Variants in TOGARAM1 observed in about 807,000 individuals in gnomAD.
TOGARAM1 encodes the protein TOG array regulator of axonemal microtubules 1, also known as TOG array regulator of axonemal microtubules protein 1.
TOGARAM1 carries 100 observed loss-of-function variants against 166.6 expected under a neutral mutation model. That is an observed-to-expected ratio of 0.60 (90% CI 0.51 to 0.71). The LOEUF is 0.71. Among genes scored for constraint, TOGARAM1 ranks in the 30% least tolerant of loss-of-function variants. The probability of loss-of-function intolerance (pLI) is 0.00; values close to 1 mark genes in which losing one functional copy is unlikely to be tolerated. For synonymous variants in TOGARAM1, 758 were observed against 763.8 expected, an observed-to-expected ratio of 0.99 and a Z score of 0.13; for missense variants, 2,029 against 2,102.7, an observed-to-expected ratio of 0.96 and a Z score of 0.69.
intron 5 of TOGARAM1, chr14:45,007,595 G>A (rs1879533100): frequency 6.6e-6 from 1 of 151,988 alleles, no homozygotes; most frequent in Non-Finnish European, 1.5e-5. Context: ...TAATAGAGAA[G>A]TGGCCCTAGT....
rs1461534637 is a variant in TOGARAM1 at position 45,028,191 on chromosome 14, T to A, written c.3520T>A (p.Ser1174Thr). The change falls in exon 10 of 20, where the codon TCT becomes ACT. Residue 1174 changes from serine (S) to threonine (T), a missense_variant. By Grantham distance (58) the Ser-to-Thr change is moderately conservative. Around this residue, in one of 2 missense-constraint regions of TOGARAM1, gnomAD observed 1,453 missense variants for 1,432.2 expected, o/e 1.01. Transcript: ENST00000361462. ...TTTCATGCAGGCTAAAGTTTCTATTTCTAAATCTACTTATAACAAGATGAG... is the reference window on the plus strand; with the variant it reads ...TTTCATGCAGGCTAAAGTTTCTATTACTAAATCTACTTATAACAAGATGAG... ...ENEKDAKVSI[S>T]KSTYNKMRQK... 4 of 1,573,022 alleles carry A rather than the reference T, an allele frequency of 2.5e-6. No individual in the cohort carries two copies. The Admixed American group carries it at 8.4e-5, about 33-fold the overall frequency.
intron 15 of TOGARAM1, among the ~76,000 whole-genome samples, chr14:45,054,119 C>T (rs1306638242): frequency 6.6e-6 from 1 of 152,084 alleles, no homozygotes; most frequent in African/African-American, 2.4e-5. Flanking sequence ...GATCCACCTG[C>T]CTCAGCCTCC....
intron 12 of TOGARAM1, 83 bp from the exon 13 acceptor site, chr14:45,044,552 C>A (rs897851794): frequency 1.5e-4 from 131 of 850,652 alleles, no homozygotes; most frequent in Admixed American, 6.1e-4. Flanking sequence ...AAAAAAAAAA[C>A]ATTGTAAAAT....
chr14:45,017,918 T>G (rs1358268049), intron 7 of TOGARAM1, among the ~76,000 whole-genome samples: 1 of 152,202 alleles, frequency 6.6e-6, no homozygotes, highest in South Asian at 2.1e-4. Flanking sequence ...TTAAGAATGG[T>G]TTTTTTAAAC....
At chr14:45,014,583 A>C (rs1308065756) in intron 7 of TOGARAM1, among the ~76,000 whole-genome samples, 4 of 152,186 alleles carry the variant, frequency 2.6e-5, no homozygotes, top group Admixed American at 6.5e-5. Context: ...CTTAATTGGT[A>C]AAACATAAAA....
At chr14:44,975,828 A>C in intron 1 of TOGARAM1, among the ~76,000 whole-genome samples, 1 of 142,200 alleles carries the variant, frequency 7.0e-6, no homozygotes, top group African/African-American at 2.6e-5. Context: ...TTTTCAAGTG[A>C]CTCAAAACAA....
intron 10 of TOGARAM1, among the ~76,000 whole-genome samples, chr14:45,030,566 G>A (rs1225319349): frequency 6.6e-6 from 1 of 151,920 alleles, no homozygotes; most frequent in African/African-American, 2.4e-5. Flanking sequence ...ATACATGTTA[G>A]TCTTAGATAT....
chr14:45,016,948 A>G (rs1880180114), intron 7 of TOGARAM1, among the ~76,000 whole-genome samples: 1 of 152,140 alleles, frequency 6.6e-6, no homozygotes, highest in African/African-American at 2.4e-5. Context: ...CAGATATTTT[A>G]TAGGGTTTAC....
At chr14:45,044,210 A>G (rs1300920142) in intron 12 of TOGARAM1, among the ~76,000 whole-genome samples, 1 of 152,038 alleles carries the variant, frequency 6.6e-6, no homozygotes, top group Non-Finnish European at 1.5e-5. Context: ...GGCTTTGACC[A>G]TATTGGCCAG....
rs1024201036 is a variant in TOGARAM1, at chr14:45,027,546, T to C, written c.3504+72T>C. The C allele has an allele frequency of 8.7e-5, 103 of 1,179,078 alleles. 1 individual carries two copies. In the Middle Eastern group the frequency reaches 1.0e-3, roughly 12 times the overall value. 73.0% of individuals were successfully genotyped at this position (1,179,078 alleles called of 1,614,324 possible). On this transcript the variant is annotated intron_variant, in intron 9 of 19. Coordinates refer to ENST00000361462, the MANE Select transcript of TOGARAM1 (RefSeq NM_001308120.2). ...GTCATTGTTTTGTGTATATCAGATG[T>C]GGGGTGGTGAAAGTATTTCAATTAA...
intron 5 of TOGARAM1, chr14:45,007,154 A>C (rs1879497286): frequency 6.6e-6 from 1 of 152,126 alleles, no homozygotes; most frequent in African/African-American, 2.4e-5. Flanking sequence ...AGGTATAAGC[A>C]TCAATCATGT....
chr14:45,045,545 A>G (rs10149169), intron 13 of TOGARAM1, among the ~76,000 whole-genome samples: 7,907 of 26,424 alleles, frequency 0.3, 1,054 homozygotes, highest in African/African-American at 0.48. Context: ...CTGTGTGTGT[A>G]TATATATATA....
intron 1 of TOGARAM1, among the ~76,000 whole-genome samples, chr14:44,990,785 G>A (rs998956769): frequency 2.6e-5 from 4 of 151,912 alleles, no homozygotes; most frequent in African/African-American, 9.7e-5. Context: ...TGTGTAGGCA[G>A]TTTACAGATA....
intron 1 of TOGARAM1, among the ~76,000 whole-genome samples, chr14:44,968,409 G>A (rs777138303): frequency 2.0e-5 from 3 of 152,094 alleles, no homozygotes; most frequent in Non-Finnish European, 4.4e-5. Context: ...ACAGGCACCC[G>A]CCACCATGCC....
At chr14:44,968,339 A>C (rs956064037) in intron 1 of TOGARAM1, among the ~76,000 whole-genome samples, 1 of 152,134 alleles carries the variant, frequency 6.6e-6, no homozygotes, top group East Asian at 1.9e-4. Flanking sequence ...GGCTCACTGC[A>C]AGCTCCGCCT....
intron 16 of TOGARAM1, among the ~76,000 whole-genome samples, chr14:45,059,007 T>G (rs1430650437): frequency 6.6e-6 from 1 of 152,194 alleles, no homozygotes; most frequent in African/African-American, 2.4e-5. Flanking sequence ...AGGGCCAGTA[T>G]AGTGATGACA....
intron 5 of TOGARAM1, 23 bp downstream of exon 5, chr14:45,006,290 G>C: frequency 1.3e-6 from 2 of 1,527,932 alleles, no homozygotes; most frequent in Non-Finnish European, 1.8e-6. Flanking sequence ...TATTTTTAAT[G>C]ACTTAAAAAT....
chr14:44,962,500 C>T lies in TOGARAM1; in HGVS notation c.79C>T (p.Arg27Cys), dbSNP rs755764381. ...LSTYRLQSRS[R>C]PSAPETDDSR... Reference sequence around the variant, plus strand: ...TACCTATCGGCTCCAGAGCCGCAGTCGTCCTTCCGCCCCAGAGACCGATGA... The same window carrying T: ...TACCTATCGGCTCCAGAGCCGCAGTTGTCCTTCCGCCCCAGAGACCGATGA... The change falls in exon 1 of 20, where the codon CGT becomes TGT. Residue 27 changes from arginine to cysteine, a missense_variant. Physicochemically the swap from Arg to Cys is radical, Grantham distance 180 (BLOSUM62 -3). Coordinates refer to ENST00000361462, the MANE Select transcript of TOGARAM1 (RefSeq NM_001308120.2). 9 of 1,612,098 alleles carry T rather than the reference C, an allele frequency of 5.6e-6. No individual in the cohort carries two copies. The highest frequency in any genetic ancestry group is 2.2e-5 in the East Asian group (1 of 44,880).
At chr14:45,032,804 C>T (rs1050497293) in intron 11 of TOGARAM1, among the ~76,000 whole-genome samples, 1 of 152,194 alleles carries the variant, frequency 6.6e-6, no homozygotes, top group Non-Finnish European at 1.5e-5. Flanking sequence ...CCACGTGTTT[C>T]AGCGGGAGCA....
Sources: allele counts gnomAD v4.1 joint callset (sites outside exome capture counted in the v4.1 genomes callset), GRCh38; gene constraint gnomAD v4.1.1; regional missense constraint gnomAD v4.1.1; transcripts MANE v1.5; gene names NCBI Gene and HGNC (gene_info 2026-07-23, HGNC 2026-07-21).